The following KLRF2 variants were observed in gnomAD, a reference collection of about 807,000 sequenced individuals.
KLRF2 encodes killer cell lectin-like receptor subfamily F member 2.
Under a neutral mutation model 25.3 loss-of-function variants are expected in KLRF2, and 28 were observed. The ratio of observed to expected loss-of-function variants is 1.11; its 90% CI spans 0.82 to 1.52. KLRF2 has a LOEUF of 1.52. KLRF2 is among the 40% of genes most tolerant of loss of function. KLRF2 has a pLI of 0.00. For missense variants in KLRF2, 265 were observed against 245.8 expected, an observed-to-expected ratio of 1.08 and a Z score of -0.52; for synonymous variants, 73 against 85.0, an observed-to-expected ratio of 0.86 and a Z score of 0.78.
intron 2 of KLRF2, among the ~76,000 whole-genome samples, chr12:9,888,124 T>G (rs1862621181): frequency 8.5e-6 from 1 of 117,956 alleles, no homozygotes; most frequent in African/African-American, 3.3e-5. Flanking sequence ...AGAATGTCAA[T>G]TAAAAAGTCC....
intron 1 of KLRF2, among the ~76,000 whole-genome samples, chr12:9,883,403 AC>A (rs1363218081): frequency 6.6e-6 from 1 of 152,190 alleles, no homozygotes; most frequent in Non-Finnish European, 1.5e-5. Context: ...AGGCCAGCAT[AC>A]TGCACTTCAT....
intron 2 of KLRF2, among the ~76,000 whole-genome samples, chr12:9,886,030 A>C (rs1862593814): frequency 2.0e-5 from 3 of 152,144 alleles, no homozygotes; most frequent in African/African-American, 4.8e-5. Flanking sequence ...CTTGTAAATC[A>C]GTTTTCTCTT....
intron 3 of KLRF2, among the ~76,000 whole-genome samples, chr12:9,889,175 C>T (rs1043213617): frequency 2.6e-5 from 4 of 152,140 alleles, no homozygotes; most frequent in Admixed American, 2.6e-4. Flanking sequence ...CAACTGTTCA[C>T]ATGAATTTAG....
At chr12:9,886,057 G>A (rs11053498) in intron 2 of KLRF2, among the ~76,000 whole-genome samples, 7,151 of 151,720 alleles carry the variant, frequency 0.047, 376 homozygotes, top group East Asian at 0.27. Flanking sequence ...AAATATAAAT[G>A]GTAAAATGAC....
chr12:9,883,027 T>C (rs578112263), intron 1 of KLRF2, among the ~76,000 whole-genome samples: 1 of 152,120 alleles, frequency 6.6e-6, no homozygotes. Flanking sequence ...TAAGATAATA[T>C]CCATTTAAAT....
chr12:9,884,614 AAT>A lies in KLRF2; in HGVS notation c.71-317_71-316del, dbSNP rs554681724. On this transcript the variant is annotated intron_variant, in intron 1 of 5. Transcript: ENST00000535540. ...CATTGTATATATTTATATTTTATAT[AAT>A]ATGTTATAACAAATATTTATATCAT... Among the ~76,000 whole-genome samples, 314 of 148,580 alleles carry A rather than the reference AAT, an allele frequency of 2.1e-3. 3 individuals are homozygous for A. Among genetic ancestry groups the A allele is most frequent in the African/African-American group, 7.3e-3 (299 of 40,960 alleles).
At chr12:9,885,294 A>G (rs1868137209) in intron 2 of KLRF2, among the ~76,000 whole-genome samples, 2 of 150,666 alleles carry the variant, frequency 1.3e-5, no homozygotes, top group South Asian at 2.1e-4. Context: ...CTAAAAGAGT[A>G]TGTGCTCATT....
intron 3 of KLRF2, among the ~76,000 whole-genome samples, chr12:9,889,638 GTA>G (rs201890745): frequency 6.9e-6 from 1 of 144,064 alleles, no homozygotes; most frequent in African/African-American, 2.8e-5. Context: ...CTCTATATGT[GTA>G]TATATATGTG....
At position 9,888,752 on chromosome 12, in the gene KLRF2, C is replaced by A. The variant is rs1303155267; in HGVS notation, c.189C>A (p.Ser63=). Reference sequence around the variant, plus strand: ...GTACAGATAAAAAAATGGATTTCTCCCAGAATGTAAACGTCAGCAGTCTAT... The same window carrying A: ...GTACAGATAAAAAAATGGATTTCTCACAGAATGTAAACGTCAGCAGTCTAT... ...LKFWHKKMDF[S]QNVNVSSLSG... is the part of the protein sequence containing the mutation. The change falls in exon 3 of 6, where the codon TCC becomes TCA. Residue 63 remains serine (S), a synonymous_variant. Coordinates refer to ENST00000535540, the MANE Select transcript of KLRF2 (RefSeq NM_001190765.1). 1.3e-6 allele frequency: 2 copies of A among 1,501,992 alleles called. No homozygotes were observed. Among genetic ancestry groups the A allele is most frequent in the Non-Finnish European group, 1.8e-6 (2 of 1,116,552 alleles). The allele number at this position is 1,501,992 out of a possible 1,614,324, so 93.0% of individuals were successfully genotyped here. A position where few individuals can be genotyped will look rare whatever the true frequency, so the allele number is the denominator to read the frequency against.
chr12:9,894,425 A>C (rs1197908779), intron 5 of KLRF2, among the ~76,000 whole-genome samples: 1 of 151,550 alleles, frequency 6.6e-6, no homozygotes, highest in Non-Finnish European at 1.5e-5. Flanking sequence ...TCAAACTATC[A>C]CCCACCTCAG....
chr12:9,884,252 C>T (rs1868126273), intron 1 of KLRF2, among the ~76,000 whole-genome samples: 1 of 151,888 alleles, frequency 6.6e-6, no homozygotes, highest in Non-Finnish European at 1.5e-5. Flanking sequence ...CTATTCTTGC[C>T]AACTCTAATG....
chr12:9,884,626 C>G (rs1438853507), intron 1 of KLRF2, among the ~76,000 whole-genome samples: 1 of 148,196 alleles, frequency 6.7e-6, no homozygotes, highest in African/African-American at 2.5e-5. Flanking sequence ...TATGTTATAA[C>G]AAATATTTAT....
intron 3 of KLRF2, among the ~76,000 whole-genome samples, chr12:9,892,529 C>A (rs1042486012): frequency 6.6e-6 from 1 of 151,476 alleles, no homozygotes; most frequent in Non-Finnish European, 1.5e-5. Context: ...AAACCCTGCC[C>A]GACTCCTGGA....
chr12:9,883,863 T>C (rs1466585164), intron 1 of KLRF2, among the ~76,000 whole-genome samples: 3 of 152,144 alleles, frequency 2.0e-5, no homozygotes, highest in Admixed American at 6.6e-5. Flanking sequence ...GAAATTAGAT[T>C]TGAGAAACAG....
chr12:9,891,644 A>T (rs7307479), intron 3 of KLRF2, among the ~76,000 whole-genome samples: 22,350 of 152,182 alleles, frequency 0.15, 2,784 homozygotes, highest in East Asian at 0.34. Flanking sequence ...AACTGAAATT[A>T]CAATTTAGTT....
chr12:9,881,595 G>A lies in KLRF2; in HGVS notation c.-1G>A. 1.3e-6 allele frequency: 2 copies of A among 1,529,152 alleles called. No homozygotes were observed. Among genetic ancestry groups the A allele is most frequent in the Non-Finnish European group, 8.8e-7 (1 of 1,140,814 alleles). 94.7% of individuals were successfully genotyped at this position (1,529,152 alleles called of 1,614,324 possible). A position where few individuals can be genotyped will look rare whatever the true frequency, so the allele number is the denominator to read the frequency against. On this transcript the variant is annotated 5_prime_UTR_variant, in exon 1 of 6. Transcript: ENST00000535540. ...TAATAAGACATTAGACATTTGAAGA[G>A]ATGGAGAATGAAGATGGGTATATGA...
At chr12:9,889,638 GTATATATA>G (rs201890745) in intron 3 of KLRF2, among the ~76,000 whole-genome samples, 1 of 143,958 alleles carries the variant, frequency 6.9e-6, no homozygotes, top group Non-Finnish European at 1.5e-5. Flanking sequence ...CTCTATATGT[GTATATATA>G]TGTGTGTGTG....
At chr12:9,892,938 C>A in intron 3 of KLRF2, 82 bp from the exon 4 acceptor site, 2 of 1,144,926 alleles carry the variant, frequency 1.7e-6, no homozygotes, top group Non-Finnish European at 2.4e-6. Flanking sequence ...AATCTATTTT[C>A]CAAGTAGTCA....
At chr12:9,886,169 TC>T (rs1250867208) in intron 2 of KLRF2, among the ~76,000 whole-genome samples, 1 of 152,170 alleles carries the variant, frequency 6.6e-6, no homozygotes, top group Non-Finnish European at 1.5e-5. Flanking sequence ...AATATTTTTT[TC>T]TAGCCATATT....
Sources: gnomAD v4.1 joint callset for allele counts (sites outside exome capture counted in the v4.1 genomes callset) on GRCh38, gnomAD v4.1.1 for gene constraint, MANE v1.5 for transcripts, NCBI Gene and HGNC (gene_info 2026-07-23, HGNC 2026-07-21) for gene names.